CALD1: variants seen among roughly 807,000 people sequenced by gnomAD.
CALD1 encodes caldesmon 1.
A neutral mutation model predicts 99.9 loss-of-function variants in CALD1; 33 were observed. The ratio of observed to expected loss-of-function variants is 0.33; its 90% CI spans 0.25 to 0.44. The LOEUF is 0.44. CALD1 is among the 20% of genes least tolerant of loss of function. The pLI is 1.00. For missense variants in CALD1, 861 were observed against 962.1 expected (o/e 0.89, Z 1.39); for synonymous variants, 310 against 325.0 (o/e 0.95, Z 0.50).
In CALD1 at chr7:134,970,589, A is replaced by C. The variant is rs1299442573; in HGVS notation, c.*2244A>C. ...TTCACTGATAATGGATCGCTCCAAT[A>C]AACATATATTGTGAAAATGCATCCA... is the stretch of plus-strand genomic sequence containing the variant. On this transcript the variant is annotated 3_prime_UTR_variant, in exon 15 of 15. Coordinates refer to ENST00000361675, the MANE Select transcript of CALD1 (RefSeq NM_033138.4). 6.6e-6 allele frequency: 1 copy of C among 152,650 alleles called. No individual in the cohort carries two copies. Among genetic ancestry groups the C allele is most frequent in the Non-Finnish European group, 1.5e-5 (1 of 68,038 alleles). The allele number at this position is 152,650 out of a possible 1,614,324, so 9.5% of individuals were successfully genotyped here. A position where few individuals can be genotyped will look rare whatever the true frequency, so the allele number is the denominator to read the frequency against.
the CALD1 span, among the ~76,000 whole-genome samples, chr7:134,723,056 G>T: frequency 1.3e-5 from 2 of 152,112 alleles, no homozygotes; most frequent in African/African-American, 2.4e-5. Context: ...AACACGGATT[G>T]GTTTCTAATA....
At chr7:134,900,966 CA>C (rs1290315854) in intron 3 of CALD1, among the ~76,000 whole-genome samples, 1 of 152,034 alleles carries the variant, frequency 6.6e-6, no homozygotes, top group East Asian at 1.9e-4. Flanking sequence ...TCAGGAAAAT[CA>C]GAGCTCTTTA....
chr7:134,736,309 G>A, the CALD1 span, among the ~76,000 whole-genome samples: 1 of 85,992 alleles, frequency 1.2e-5, no homozygotes, highest in Admixed American at 1.3e-4. Context: ...GTCAGTGGGA[G>A]CCTATTGAAA....
intron 1 of CALD1, among the ~76,000 whole-genome samples, chr7:134,792,181 G>A (rs1797561351): frequency 6.6e-6 from 1 of 152,098 alleles, no homozygotes; most frequent in African/African-American, 2.4e-5. Context: ...CAAGGGCTGT[G>A]AGGGAAGTCT....
chr7:134,730,955 T>A, the CALD1 span, among the ~76,000 whole-genome samples: 37 of 152,138 alleles, frequency 2.4e-4, no homozygotes, highest in Non-Finnish European at 5.1e-4. Context: ...ACCTCCAGCA[T>A]CTGGTCTACC....
At chr7:134,944,864 C>G (rs183819871) in intron 7 of CALD1, among the ~76,000 whole-genome samples, 1,631 of 152,314 alleles carry the variant, frequency 0.011, 104 homozygotes, top group Admixed American at 0.099. Context: ...GCAAATCCAA[C>G]TTAGGTGAAC....
At chr7:134,886,528 C>T (rs903308171) in intron 3 of CALD1, among the ~76,000 whole-genome samples, 33 of 152,294 alleles carry the variant, frequency 2.2e-4, no homozygotes, top group Admixed American at 1.7e-3. Context: ...GGACTTCAGC[C>T]AGGCCTTGGT....
At chr7:134,871,733 A>G (rs1467044629) in intron 3 of CALD1, among the ~76,000 whole-genome samples, 2 of 152,110 alleles carry the variant, frequency 1.3e-5, no homozygotes, top group African/African-American at 4.8e-5. Context: ...AAATAAAAAT[A>G]CCCTGTTATT....
chr7:134,965,283 T>C (rs756310180), intron 13 of CALD1, 23 bp from the exon 14 acceptor site: 2 of 1,318,172 alleles, frequency 1.5e-6, no homozygotes, highest in South Asian at 2.4e-5. Context: ...CCTATCGATG[T>C]TTTTCTGCTT....
At chr7:134,749,763 T>C (rs1320876762) in intron 1 of CALD1, among the ~76,000 whole-genome samples, 2 of 152,182 alleles carry the variant, frequency 1.3e-5, no homozygotes. Context: ...TACAGAGTTT[T>C]TCAAAGTTCC....
At chr7:134,967,548 T>C (rs1808769269) in intron 14 of CALD1, among the ~76,000 whole-genome samples, 2 of 151,814 alleles carry the variant, frequency 1.3e-5, no homozygotes, top group South Asian at 4.2e-4. Flanking sequence ...GGTGTAAGAA[T>C]AGGAGGGAGA....
intron 3 of CALD1, among the ~76,000 whole-genome samples, chr7:134,913,403 TG>T (rs561422101): frequency 1.4e-4 from 22 of 152,268 alleles, no homozygotes; most frequent in Non-Finnish European, 2.5e-4. Context: ...TAAAGTTTTA[TG>T]AACATTAATA....
At chr7:134,836,647 A>G (rs1302179991) in intron 1 of CALD1, among the ~76,000 whole-genome samples, 1 of 152,208 alleles carries the variant, frequency 6.6e-6, no homozygotes, top group Non-Finnish European at 1.5e-5. Context: ...AGTGTCTCTC[A>G]TGCCTGTAGC....
chr7:134,812,801 G>A (rs1231465017), intron 1 of CALD1, among the ~76,000 whole-genome samples: 1 of 152,140 alleles, frequency 6.6e-6, no homozygotes, highest in East Asian at 1.9e-4. Flanking sequence ...TCAGGGAAGA[G>A]GTCCTGAATA....
intron 2 of CALD1, among the ~76,000 whole-genome samples, chr7:134,847,338 G>C (rs1239406069): frequency 1.3e-5 from 2 of 152,164 alleles, no homozygotes; most frequent in Non-Finnish European, 2.9e-5. Context: ...TTTTATAGTA[G>C]GATCTGAAGG....
chr7:134,957,983 T>C, intron 9 of CALD1, 86 bp from the exon 10 acceptor site: 1 of 991,700 alleles, frequency 1.0e-6, no homozygotes, highest in Admixed American at 1.7e-5. Context: ...GTTTAACAGG[T>C]TCAGGGATGA....
At chr7:134,799,705 T>A (rs1371933022) in intron 1 of CALD1, among the ~76,000 whole-genome samples, 1 of 152,148 alleles carries the variant, frequency 6.6e-6, no homozygotes, top group Non-Finnish European at 1.5e-5. Flanking sequence ...GGCCTTCTGG[T>A]ATATAAAGAG....
At chr7:134,801,247 C>T (rs1797930479) in intron 1 of CALD1, among the ~76,000 whole-genome samples, 1 of 152,064 alleles carries the variant, frequency 6.6e-6, no homozygotes, top group Non-Finnish European at 1.5e-5. Flanking sequence ...ACTTTATTTT[C>T]CCTCAAAACT....
intron 2 of CALD1, among the ~76,000 whole-genome samples, chr7:134,850,609 T>A (rs1267238124): frequency 6.6e-6 from 1 of 152,228 alleles, no homozygotes; most frequent in Non-Finnish European, 1.5e-5. Context: ...CCATCTAGAA[T>A]GAAAGCTATA....
Sources: allele counts gnomAD v4.1 joint callset (sites outside exome capture counted in the v4.1 genomes callset), GRCh38; gene constraint gnomAD v4.1.1; transcripts MANE v1.5; gene names NCBI Gene and HGNC (gene_info 2026-07-23, HGNC 2026-07-21).